The following REV3L variants were observed in gnomAD, a reference collection of about 807,000 sequenced individuals.
REV3L encodes REV3 like, DNA directed polymerase zeta catalytic subunit.
Under a neutral mutation model 299.4 loss-of-function variants are expected in REV3L, and 69 were observed. That is an observed-to-expected ratio of 0.23 (90% CI 0.19 to 0.28). The LOEUF is 0.28. Ranked by LOEUF, REV3L falls within the 10% of genes least tolerant of loss-of-function variation. REV3L has a pLI of 1.00. For synonymous variants in REV3L, 1,238 were observed against 1,271.4 expected (o/e 0.97, Z 0.56); for missense variants, 3,128 against 3,693.8 (o/e 0.85, Z 3.97).
chr6:111,471,510 A>G (rs1012570979), intron 1 of REV3L, among the ~76,000 whole-genome samples: 4 of 152,228 alleles, frequency 2.6e-5, no homozygotes, highest in African/African-American at 9.6e-5. Flanking sequence ...AGTACTCAGT[A>G]TATGAGGTAA....
chr6:111,407,803 G>C (rs192109290), intron 3 of REV3L, among the ~76,000 whole-genome samples: 1 of 152,222 alleles, frequency 6.6e-6, no homozygotes, highest in Admixed American at 6.5e-5. Flanking sequence ...CAGACGTGGT[G>C]GTGGTGCCTG....
chr6:111,463,447 T>C (rs989081103), intron 1 of REV3L, among the ~76,000 whole-genome samples: 2 of 152,222 alleles, frequency 1.3e-5, no homozygotes, highest in Admixed American at 6.5e-5. Flanking sequence ...CTAGTGATTA[T>C]GACATAATTA....
In REV3L at chr6:111,374,643, CAGCACCAGACTG is replaced by C. The variant is rs1477819276; in HGVS notation, c.3700_3711del (p.Gln1234_Ala1237del). The C allele has an allele frequency of 6.2e-7, 1 of 1,613,634 alleles. No homozygotes were observed. Among genetic ancestry groups the C allele is most frequent in the Non-Finnish European group, 8.5e-7 (1 of 1,179,844 alleles). On this transcript the variant is annotated inframe_deletion, in exon 13 of 32. Coordinates refer to ENST00000368802, the MANE Select transcript of REV3L (RefSeq NM_001372078.1). ...TGGTGTTTCAGTACAAACTTAACCT[CAGCACCAGACTG>C]AGATTTTATTTTTTCATCCTTAAGT...
chr6:111,396,265 G>A (rs936488920), intron 4 of REV3L, among the ~76,000 whole-genome samples: 1 of 151,942 alleles, frequency 6.6e-6, no homozygotes, highest in Non-Finnish European at 1.5e-5. Context: ...GGGCTCAAGT[G>A]ATCTACCCAC....
intron 25 of REV3L, among the ~76,000 whole-genome samples, chr6:111,325,265 A>G (rs1774656349): frequency 6.6e-6 from 1 of 152,252 alleles, no homozygotes; most frequent in Non-Finnish European, 1.5e-5. Flanking sequence ...AGGCACAAAT[A>G]TACCTTTATC....
chr6:111,393,510 A>C (rs1782156428), intron 4 of REV3L, among the ~76,000 whole-genome samples: 1 of 152,146 alleles, frequency 6.6e-6, no homozygotes, highest in South Asian at 2.1e-4. Flanking sequence ...GAACATTTCA[A>C]ATCTTCTCTT....
At chr6:111,354,575 G>A (rs1303883960) in intron 18 of REV3L, among the ~76,000 whole-genome samples, 1 of 152,100 alleles carries the variant, frequency 6.6e-6, no homozygotes, top group Non-Finnish European at 1.5e-5. Context: ...GGATGTAAGA[G>A]ACTCTTTTAA....
At chr6:111,332,282 A>G (rs778191388) in intron 23 of REV3L, among the ~76,000 whole-genome samples, 16 of 152,162 alleles carry the variant, frequency 1.1e-4, no homozygotes, top group Non-Finnish European at 1.6e-4. Context: ...CATGTTAGCC[A>G]GGATGGTCTC....
intron 1 of REV3L, chr6:111,430,173 G>A (rs1428083371): frequency 3.0e-5 from 24 of 791,912 alleles, no homozygotes; most frequent in East Asian, 9.7e-5. Flanking sequence ...AGACTTGCCC[G>A]GTGAGAAGCC....
intron 22 of REV3L, among the ~76,000 whole-genome samples, chr6:111,335,101 A>T (rs992718848): frequency 4.6e-5 from 7 of 152,132 alleles, no homozygotes; most frequent in Admixed American, 3.9e-4. Context: ...TTGATTTTCA[A>T]GCTTTTTATT....
At chr6:111,455,532 T>C (rs1790066072) in intron 1 of REV3L, among the ~76,000 whole-genome samples, 1 of 152,132 alleles carries the variant, frequency 6.6e-6, no homozygotes, top group Non-Finnish European at 1.5e-5. Context: ...AGGGCTATAA[T>C]CTAAAATATA....
At chr6:111,429,076 C>T (rs2128296899) in intron 1 of REV3L, among the ~76,000 whole-genome samples, 1 of 152,214 alleles carries the variant, frequency 6.6e-6, no homozygotes, top group African/African-American at 2.4e-5. Flanking sequence ...GAGTGGAATG[C>T]CATCTTCAAC....
chr6:111,480,284 A>G (rs1793460256), intron 1 of REV3L, among the ~76,000 whole-genome samples: 2 of 152,240 alleles, frequency 1.3e-5, no homozygotes, highest in Admixed American at 1.3e-4. Context: ...GTAAAGATAT[A>G]AACTATAAAG....
intron 1 of REV3L, chr6:111,431,043 C>A (rs1260339090): frequency 1.9e-5 from 29 of 1,536,528 alleles, no homozygotes; most frequent in Non-Finnish European, 2.6e-5. Context: ...ATGGGCCCTA[C>A]AGTTCTTATG....
At chr6:111,384,118 A>C (rs1781100710) in intron 9 of REV3L, among the ~76,000 whole-genome samples, 1 of 152,214 alleles carries the variant, frequency 6.6e-6, no homozygotes. Context: ...TGAATTAAAG[A>C]CTTAAATCTA....
At chr6:111,329,344 T>G (rs1775154211) in intron 25 of REV3L, among the ~76,000 whole-genome samples, 188 bp downstream of exon 25, 1 of 146,658 alleles carries the variant, frequency 6.8e-6, no homozygotes, top group African/African-American at 2.6e-5. Context: ...TGCCTGGCCT[T>G]TTTTTTTTTT....
chr6:111,429,896 C>G (rs955138629), intron 1 of REV3L, among the ~76,000 whole-genome samples: 5 of 152,108 alleles, frequency 3.3e-5, no homozygotes, highest in Non-Finnish European at 7.4e-5. Flanking sequence ...GCCCTTGAAG[C>G]TGGTCCTCAA....
chr6:111,397,481 T>C (rs997440435), intron 4 of REV3L, among the ~76,000 whole-genome samples: 4 of 152,218 alleles, frequency 2.6e-5, no homozygotes, highest in Non-Finnish European at 5.9e-5. Context: ...ACACTTAATA[T>C]GATTTCAATT....
At chr6:111,344,902 TATCTC>T (rs1776876585) in intron 20 of REV3L, among the ~76,000 whole-genome samples, 1 of 152,260 alleles carries the variant, frequency 6.6e-6, no homozygotes, top group Non-Finnish European at 1.5e-5. Context: ...ATGTTAATCT[TATCTC>T]AGTGCAGTGA....
Sources: allele counts gnomAD v4.1 joint callset (sites outside exome capture counted in the v4.1 genomes callset), GRCh38; gene constraint gnomAD v4.1.1; transcripts MANE v1.5; gene names NCBI Gene and HGNC (gene_info 2026-07-23, HGNC 2026-07-21).